The following MDM2 variants were observed in gnomAD, a reference collection of about 807,000 sequenced individuals.
The protein encoded by MDM2 is E3 ubiquitin-protein ligase Mdm2.
Under a neutral mutation model 64.3 loss-of-function variants are expected in MDM2, and 11 were observed. That is an observed-to-expected ratio of 0.17 (90% CI 0.11 to 0.28). MDM2 has a LOEUF of 0.28. Ranked by LOEUF, MDM2 falls within the 10% of genes least tolerant of loss-of-function variation. The pLI, the probability that MDM2 is intolerant of heterozygous loss-of-function variation, is 1.00. For synonymous variants in MDM2, 194 were observed against 192.9 expected (o/e 1.01, Z -0.05); for missense variants, 388 against 577.1 (o/e 0.67, Z 3.36).
chr12:68,839,730 G>A lies in MDM2; in HGVS notation c.1375G>A (p.Gly459Ser). ...ACCTAAAAATGGTTGCATTGTCCATGGCAAAACAGGACATCTTATGGCCTG... is the reference window on the plus strand; with the variant it reads ...ACCTAAAAATGGTTGCATTGTCCATAGCAAAACAGGACATCTTATGGCCTG... ...GRPKNGCIVHGKTGHLMACFT... is the reference protein window; with the variant it reads ...GRPKNGCIVHSKTGHLMACFT... Residue 459 changes from glycine (G) to serine (S), a missense_variant, in exon 11 of 11, where the codon GGC becomes AGC. Gly to Ser is a moderately conservative substitution (Grantham distance 56, BLOSUM62 0). This residue lies in a region of MDM2 where 12 missense variants were observed against 63.8 expected (regional missense o/e 0.19). Transcript: ENST00000258149. 6.2e-7 allele frequency: 1 copy of A among 1,613,770 alleles called. No individual in the cohort carries two copies. The highest frequency in any genetic ancestry group is 8.5e-7 in the Non-Finnish European group (1 of 1,179,968).
Position 68,808,303 on chromosome 12 carries a change from C to T in MDM2, c.-175C>T. 1.3e-6 allele frequency: 1 copy of T among 775,898 alleles called. No individual in the cohort carries two copies. The highest frequency in any genetic ancestry group is 2.8e-5 in the East Asian group (1 of 35,992). The allele number at this position is 775,898 out of a possible 1,614,324, so 48.1% of individuals were successfully genotyped here. ...CGCGACCCCTCTGACCGAGATCCTG[C>T]TGCTTTCGCAGCCAGGAGCACCGTC... is the stretch of plus-strand genomic sequence containing the variant. On this transcript the variant is annotated 5_prime_UTR_variant, in exon 1 of 11. Transcript: ENST00000258149.
At position 68,817,870 on chromosome 12, in the gene MDM2, TCA is replaced by T. The variant is rs560742868; in HGVS notation, c.308+927_308+928del. Among the ~76,000 whole-genome samples the T allele has an allele frequency of 1.4e-3, 208 of 152,278 alleles. 3 individuals are homozygous for T. Among genetic ancestry groups the T allele is most frequent in the Non-Finnish European group, 1.3e-3 (89 of 67,998 alleles). On this transcript the variant is annotated intron_variant, in intron 4 of 10. Coordinates refer to ENST00000258149, the MANE Select transcript of MDM2 (RefSeq NM_002392.6). Reference sequence around the variant, plus strand: ...TGGAGTGCAGTGGCATGATCTTGGCTCACTGCAACCTCCGTCTCCTGGGTTCA... The same window carrying T: ...TGGAGTGCAGTGGCATGATCTTGGCTCTGCAACCTCCGTCTCCTGGGTTCA...
intron 5 of MDM2, among the ~76,000 whole-genome samples, chr12:68,821,037 C>T (rs369614032): frequency 3.4e-4 from 49 of 142,150 alleles, no homozygotes; most frequent in African/African-American, 1.2e-3. Context: ...GAGATGTACA[C>T]AGTTTGCTTT....
chr12:68,832,413 A>G (rs1882867124), intron 8 of MDM2, among the ~76,000 whole-genome samples: 1 of 152,176 alleles, frequency 6.6e-6, no homozygotes, highest in African/African-American at 2.4e-5. Context: ...AGGTTCCTAC[A>G]ACTAATTGTC....
At chr12:68,847,196 T>TTTTATATATATA (rs1884365281), downstream of MDM2, 1 of 92,080 alleles carries the variant, frequency 1.1e-5, no homozygotes, top group African/African-American at 5.9e-5. Flanking sequence ...TGTGTGTACA[T>TTTTATATATATA]TATATATATA....
intron 6 of MDM2, 49 bp downstream of exon 6, chr12:68,824,479 G>A (rs2136138234): frequency 1.3e-6 from 2 of 1,597,388 alleles, no homozygotes; most frequent in Non-Finnish European, 1.7e-6. Flanking sequence ...TTGCAAATTG[G>A]AAAGGTTATT....
chr12:68,829,627 G>A (rs1486156665), intron 8 of MDM2, among the ~76,000 whole-genome samples: 4 of 152,182 alleles, frequency 2.6e-5, no homozygotes, highest in Middle Eastern at 3.4e-3. Context: ...TTAGCCAGGC[G>A]TGGTGGCGCA....
At chr12:68,832,071 AAAC>A (rs745409858) in intron 8 of MDM2, among the ~76,000 whole-genome samples, 5 of 152,314 alleles carry the variant, frequency 3.3e-5, no homozygotes, top group African/African-American at 7.2e-5. Context: ...ATTCCATCTC[AAAC>A]AACAACAACA....
chr12:68,835,318 A>G (rs1883215766), intron 8 of MDM2, among the ~76,000 whole-genome samples: 1 of 152,244 alleles, frequency 6.6e-6, no homozygotes, highest in South Asian at 2.1e-4. Context: ...AAGGATGAAT[A>G]GGATTTTGAA....
intron 4 of MDM2, among the ~76,000 whole-genome samples, chr12:68,818,465 CTG>C (rs1229731857): frequency 1.3e-4 from 19 of 150,256 alleles, no homozygotes; most frequent in African/African-American, 4.6e-4. Context: ...TTATGTGCAA[CTG>C]TGTGTTTTAA....
chr12:68,810,856 C>CTTTTTG (rs530122878), intron 2 of MDM2, among the ~76,000 whole-genome samples: 2 of 150,918 alleles, frequency 1.3e-5, no homozygotes, highest in Non-Finnish European at 1.5e-5. Context: ...GGCACCTTTC[C>CTTTTTG]TTTTTGTTTT....
At chr12:68,809,708 T>G (rs925461107) in intron 2 of MDM2, among the ~76,000 whole-genome samples, 14 of 152,244 alleles carry the variant, frequency 9.2e-5, no homozygotes, top group African/African-American at 3.4e-4. Context: ...TGCTCCATGT[T>G]TCCTTTTAGA....
At chr12:68,836,084 G>C (rs374582933) in intron 9 of MDM2, 100 bp downstream of exon 9, 1 of 1,085,478 alleles carries the variant, frequency 9.2e-7, no homozygotes, top group African/African-American at 1.6e-5. Context: ...GATTTCACTT[G>C]AAATCTTTAC....
rs547510849 is a variant in MDM2 at position 68,843,283 on chromosome 12, T to C, written c.*3434T>C. The C allele has an allele frequency of 1.3e-5, 3 of 225,954 alleles. No individual in the cohort carries two copies. The highest frequency in any genetic ancestry group is 6.9e-5 in the African/African-American group (3 of 43,508). The allele number at this position is 225,954 out of a possible 1,614,324, so 14.0% of individuals were successfully genotyped here. On this transcript the variant is annotated 3_prime_UTR_variant, in exon 11 of 11. Transcript: ENST00000258149. ...TCCAAAGGTAAAAGTACTAATCCCT[T>C]TGGCCATTTATTGAGAGAGAGAGAG...
chr12:68,840,093 T>G lies in MDM2; in HGVS notation c.*244T>G. 2.3e-6 allele frequency: 1 copy of G among 443,280 alleles called. No individual in the cohort carries two copies. The highest frequency in any genetic ancestry group is 3.9e-6 in the Non-Finnish European group (1 of 253,358). 27.5% of individuals were successfully genotyped at this position (443,280 alleles called of 1,614,324 possible). A position where few individuals can be genotyped will look rare whatever the true frequency, so the allele number is the denominator to read the frequency against. On this transcript the variant is annotated 3_prime_UTR_variant, in exon 11 of 11. Transcript: ENST00000258149. ...TAAATAATTTCTACTCTGTCTTAAA[T>G]GAGAAGTACTTGGTTTTTTTTTTTC...
In MDM2 at chr12:68,843,213, G is replaced by A. The variant is rs928108582; in HGVS notation, c.*3364G>A. The A allele has an allele frequency of 1.8e-5, 4 of 223,152 alleles. No individual in the cohort carries two copies. The highest frequency in any genetic ancestry group is 9.0e-5 in the African/African-American group (4 of 44,626). The allele number at this position is 223,152 out of a possible 1,614,324, so 13.8% of individuals were successfully genotyped here. A position where few individuals can be genotyped will look rare whatever the true frequency, so the allele number is the denominator to read the frequency against. Reference sequence around the variant, plus strand: ...TACAGAGTTAAATTTGAAGGAATAAGTTCTAGCTGAAGTATTATGAACTCC... The same window carrying A: ...TACAGAGTTAAATTTGAAGGAATAAATTCTAGCTGAAGTATTATGAACTCC... On this transcript the variant is annotated 3_prime_UTR_variant, in exon 11 of 11. Coordinates refer to ENST00000258149, the MANE Select transcript of MDM2 (RefSeq NM_002392.6).
At chr12:68,828,561 A>G (rs1280150187) in intron 7 of MDM2, 197 of 446,656 alleles carry the variant, frequency 4.4e-4, no homozygotes, top group Non-Finnish European at 3.3e-5. Flanking sequence ...GTGACAGAGC[A>G]AGACCCTTTC....
At position 68,844,924 on chromosome 12, in the gene MDM2, C is replaced by T. The variant is rs141950263; in HGVS notation, c.*5075C>T. Reference sequence around the variant, plus strand: ...CTGGGGTTAGAGCACCCTGTCACCACGCCCCGCTAATTTTTGTATTTCTAG... The same window carrying T: ...CTGGGGTTAGAGCACCCTGTCACCATGCCCCGCTAATTTTTGTATTTCTAG... On this transcript the variant is annotated 3_prime_UTR_variant, in exon 11 of 11. Transcript: ENST00000258149. The T allele has an allele frequency of 1.3e-4, 26 of 198,676 alleles. No individual in the cohort carries two copies. In the East Asian group the frequency reaches 1.6e-3, roughly 12 times the overall value. The allele number at this position is 198,676 out of a possible 1,614,324, so 12.3% of individuals were successfully genotyped here.
At chr12:68,814,904 A>C (rs1343628229) in intron 3 of MDM2, among the ~76,000 whole-genome samples, 1 of 152,146 alleles carries the variant, frequency 6.6e-6, no homozygotes, top group African/African-American at 2.4e-5. Context: ...CTTTCTTACA[A>C]CGGTATAGTG....
Sources: gnomAD v4.1 joint callset for allele counts (sites outside exome capture counted in the v4.1 genomes callset) on GRCh38, gnomAD v4.1.1 for gene constraint, gnomAD v4.1.1 regional missense constraint, MANE v1.5 for transcripts, NCBI Gene and HGNC (gene_info 2026-07-23, HGNC 2026-07-21) for gene names.